The following NRXN1 variants were observed in gnomAD, a reference collection of about 807,000 sequenced individuals.
The protein encoded by NRXN1 is neurexin 1.
In NRXN1, 39 loss-of-function variants were observed where a neutral mutation model predicts 150.9. The ratio of observed to expected loss-of-function variants is 0.26; its 90% confidence interval spans 0.20 to 0.34. The LOEUF (loss-of-function observed/expected upper bound fraction) is 0.34, where lower values mean the gene tolerates loss of function less well. Ranked by LOEUF, NRXN1 falls within the 10% of genes least tolerant of loss-of-function variation. The pLI is 1.00. For synonymous variants in NRXN1, 924 were observed against 757.0 expected, an observed-to-expected ratio of 1.22 and a Z score of -3.62; for missense variants, 1,815 against 1,949.9, an observed-to-expected ratio of 0.93 and a Z score of 1.30.
chr2:50,185,750 C>T (rs1482990200), intron 18 of NRXN1: 2 of 152,046 alleles, frequency 1.3e-5, no homozygotes, highest in African/African-American at 4.8e-5. Flanking sequence ...TTTGACTGTA[C>T]AATAAACATT....
intron 17 of NRXN1, among the ~76,000 whole-genome samples, chr2:50,457,256 G>C (rs1196042905): frequency 6.6e-6 from 1 of 152,082 alleles, no homozygotes; most frequent in Non-Finnish European, 1.5e-5. Context: ...TTACATCTAA[G>C]AATTAAGAGT....
At chr2:50,091,260 A>AGT in intron 19 of NRXN1, 63 bp downstream of exon 19, 2 of 1,573,190 alleles carry the variant, frequency 1.3e-6, no homozygotes, top group Non-Finnish European at 1.7e-6. Context: ...GATGCAAAAC[A>AGT]GTGCTTTTTC....
intron 15 of NRXN1, among the ~76,000 whole-genome samples, chr2:50,473,596 A>ATTT (rs2089719981): frequency 6.6e-6 from 1 of 151,946 alleles, no homozygotes; most frequent in African/African-American, 2.4e-5. Context: ...TTTCATTTGA[A>ATTT]CTTTCTTTCT....
chr2:50,456,321 C>T (rs1221495615), intron 17 of NRXN1, among the ~76,000 whole-genome samples: 1 of 152,078 alleles, frequency 6.6e-6, no homozygotes, highest in African/African-American at 2.4e-5. Context: ...AGGCCTTTTT[C>T]TGAGAGATGT....
In NRXN1 at chr2:50,434,043, A is replaced by ATCTTTTT. The variant is rs1553609855; in HGVS notation, c.3364+31398_3364+31399insAAAAAGA. Among the ~76,000 whole-genome samples the ATCTTTTT allele has an allele frequency of 1.2e-4, 9 of 72,154 alleles. 2 individuals carry two copies. The highest frequency in any genetic ancestry group is 3.4e-4 in the Admixed American group (2 of 5,868). 47.3% of individuals were successfully genotyped at this position (72,154 alleles called of 152,430 possible). ...ACTCCTTGCTTCCGGTATCTAAGCC[A>ATCTTTTT]TTTTTTTTTTTTTTTTTTTTTTTTT... On this transcript the variant is annotated intron_variant, in intron 17 of 22. Coordinates refer to ENST00000401669, the MANE Select transcript of NRXN1 (RefSeq NM_001330078.2).
At chr2:50,059,081 T>C (rs189476432) in intron 19 of NRXN1, among the ~76,000 whole-genome samples, 41 of 152,274 alleles carry the variant, frequency 2.7e-4, no homozygotes, top group South Asian at 4.1e-4. Context: ...TGTAACAGTT[T>C]GGAGAGCTCA....
At chr2:50,111,359 C>T (rs1357623094) in intron 18 of NRXN1, among the ~76,000 whole-genome samples, 1 of 152,078 alleles carries the variant, frequency 6.6e-6, no homozygotes, top group Non-Finnish European at 1.5e-5. Flanking sequence ...GAAAGTTACT[C>T]TCATGCGGCA....
chr2:50,683,646 A>AAAAAAAAAATATATATAT, intron 5 of NRXN1, among the ~76,000 whole-genome samples: 157 of 14,846 alleles, frequency 0.011, 11 homozygotes, highest in South Asian at 0.025. Context: ...AAAAAAAAAA[A>AAAAAAAAAATATATATAT]ATATATATAT....
At chr2:50,909,320 C>A (rs552457138) in intron 5 of NRXN1, among the ~76,000 whole-genome samples, 2 of 152,024 alleles carry the variant, frequency 1.3e-5, no homozygotes, top group African/African-American at 4.8e-5. Context: ...GCATAAACAG[C>A]GTTTACATCA....
chr2:50,511,278 G>C (rs1337755418), intron 12 of NRXN1, among the ~76,000 whole-genome samples: 1 of 152,094 alleles, frequency 6.6e-6, no homozygotes, highest in Non-Finnish European at 1.5e-5. Context: ...GGCCAGTCTG[G>C]TCTCGAACTC....
chr2:50,763,432 C>A (rs1460488803), intron 5 of NRXN1, among the ~76,000 whole-genome samples: 2 of 151,892 alleles, frequency 1.3e-5, no homozygotes, highest in South Asian at 4.1e-4. Flanking sequence ...AATGCATATA[C>A]AAAATACAGC....
At chr2:49,943,841 T>C in intron 21 of NRXN1, 50 bp from the exon 22 acceptor site, 1 of 1,300,570 alleles carries the variant, frequency 7.7e-7, no homozygotes, top group East Asian at 2.4e-5. Flanking sequence ...CCTAACAGAT[T>C]CTCTCATCTT....
intron 17 of NRXN1, among the ~76,000 whole-genome samples, chr2:50,366,001 G>A (rs941584957): frequency 6.7e-6 from 1 of 149,874 alleles, no homozygotes; most frequent in Non-Finnish European, 1.5e-5. Flanking sequence ...AATAACCTTA[G>A]AAGTAGGTTG....
chr2:50,921,757 C>A, intron 5 of NRXN1, 112 bp downstream of exon 5: 1 of 427,824 alleles, frequency 2.3e-6, no homozygotes, highest in Non-Finnish European at 4.2e-6. Context: ...AACACATATA[C>A]CTACCTCCCA....
intron 5 of NRXN1, among the ~76,000 whole-genome samples, chr2:50,864,310 G>C (rs893613337): frequency 4.0e-5 from 6 of 151,826 alleles, no homozygotes; most frequent in Admixed American, 2.6e-4. Flanking sequence ...AAAAGCTGTG[G>C]GTCAAACACA....
intron 18 of NRXN1, among the ~76,000 whole-genome samples, chr2:50,097,518 G>C (rs1157765399): frequency 6.6e-6 from 1 of 152,190 alleles, no homozygotes; most frequent in East Asian, 1.9e-4. Flanking sequence ...AAGGCATGAA[G>C]GGGAGTCTGG....
At chr2:50,106,118 T>G (rs1321632608) in intron 18 of NRXN1, among the ~76,000 whole-genome samples, 1 of 151,984 alleles carries the variant, frequency 6.6e-6, no homozygotes, top group Admixed American at 6.6e-5. Flanking sequence ...TCTCCTTCCA[T>G]GTATATTTCA....
intron 5 of NRXN1, among the ~76,000 whole-genome samples, chr2:50,681,299 A>T (rs1415847972): frequency 6.6e-6 from 1 of 152,230 alleles, no homozygotes; most frequent in Non-Finnish European, 1.5e-5. Flanking sequence ...TTATTTGCTC[A>T]GAAGACTAGA....
chr2:50,123,172 T>C (rs766573524), intron 18 of NRXN1, among the ~76,000 whole-genome samples: 3 of 152,190 alleles, frequency 2.0e-5, no homozygotes, highest in Non-Finnish European at 2.9e-5. Context: ...GTAGCTTTAA[T>C]TCTACAATGG....
Sources: allele counts gnomAD v4.1 joint callset (sites outside exome capture counted in the v4.1 genomes callset), GRCh38; gene constraint gnomAD v4.1.1; transcripts MANE v1.5; gene names NCBI Gene and HGNC (gene_info 2026-07-23, HGNC 2026-07-21).